Variants in TRIP12 observed in about 807,000 individuals in gnomAD.
TRIP12 encodes the protein E3 ubiquitin-protein ligase TRIP12.
A neutral mutation model predicts 244.2 loss-of-function variants in TRIP12; 25 were observed. The observed-to-expected ratio is 0.10, with a 90% CI of 0.07 to 0.14. TRIP12 has a LOEUF of 0.14. Among genes scored for constraint, TRIP12 ranks in the 10% least tolerant of loss-of-function variants. The probability of loss-of-function intolerance (pLI) is 1.00; values close to 1 mark genes in which losing one functional copy is unlikely to be tolerated. For missense variants in TRIP12, 1,677 were observed against 2,486.4 expected, an observed-to-expected ratio of 0.67 and a Z score of 6.92; for synonymous variants, 905 against 873.1, an observed-to-expected ratio of 1.04 and a Z score of -0.64.
chr2:229,841,776 T>G (rs1205813888), intron 4 of TRIP12, among the ~76,000 whole-genome samples: 1 of 152,226 alleles, frequency 6.6e-6, no homozygotes, highest in African/African-American at 2.4e-5. Flanking sequence ...AATTATACAA[T>G]TGGTCCTGGT....
intron 5 of TRIP12, among the ~76,000 whole-genome samples, chr2:229,838,521 G>C (rs189950327): frequency 6.6e-6 from 1 of 152,268 alleles, no homozygotes; most frequent in African/African-American, 2.4e-5. Context: ...GGGTAATTTC[G>C]CACGTGCTAA....
At chr2:229,901,313 T>C (rs968360267) in intron 1 of TRIP12, among the ~76,000 whole-genome samples, 1 of 151,936 alleles carries the variant, frequency 6.6e-6, no homozygotes, top group African/African-American at 2.4e-5. Flanking sequence ...TAAGGAAAAC[T>C]TTGGCCAGGC....
At chr2:229,841,278 G>A (rs371406104) in intron 4 of TRIP12, among the ~76,000 whole-genome samples, 20 of 152,196 alleles carry the variant, frequency 1.3e-4, no homozygotes, top group African/African-American at 4.8e-4. Flanking sequence ...TTTACTAAAC[G>A]TCATTAAGTT....
At chr2:229,873,937 A>T (rs2154348870) in intron 2 of TRIP12, among the ~76,000 whole-genome samples, 1 of 152,224 alleles carries the variant, frequency 6.6e-6, no homozygotes, top group South Asian at 2.1e-4. Flanking sequence ...ACGGGTCCAT[A>T]ACAAAGCTGA....
intron 4 of TRIP12, among the ~76,000 whole-genome samples, chr2:229,854,833 G>C (rs962109647): frequency 7.2e-5 from 11 of 152,136 alleles, no homozygotes; most frequent in African/African-American, 2.7e-4. Flanking sequence ...CTATCATTCT[G>C]TCCTCAAGGC....
intron 1 of TRIP12, among the ~76,000 whole-genome samples, chr2:229,898,732 C>G (rs759447975): frequency 3.0e-4 from 46 of 151,994 alleles, no homozygotes; most frequent in Non-Finnish European, 5.6e-4. Context: ...CCACTGTCCA[C>G]CAAGGCTGGA....
At chr2:229,784,206 T>A (rs990462234) in intron 34 of TRIP12, among the ~76,000 whole-genome samples, 2 of 148,174 alleles carry the variant, frequency 1.3e-5, no homozygotes, top group East Asian at 3.9e-4. Context: ...CAACACAGTA[T>A]AGAATAATAA....
intron 1 of TRIP12, among the ~76,000 whole-genome samples, chr2:229,899,242 T>C (rs1418374337): frequency 1.3e-5 from 2 of 152,082 alleles, no homozygotes; most frequent in Non-Finnish European, 2.9e-5. Flanking sequence ...AGCCACCAAA[T>C]TTATATACGC....
chr2:229,773,138 C>T (rs1234659433), intron 38 of TRIP12, among the ~76,000 whole-genome samples: 7 of 151,422 alleles, frequency 4.6e-5, no homozygotes, highest in African/African-American at 4.9e-5. Flanking sequence ...TGCAGGGGCA[C>T]GGTATCGGCT....
intron 5 of TRIP12, among the ~76,000 whole-genome samples, chr2:229,839,328 T>C (rs2055724412): frequency 6.6e-6 from 1 of 152,138 alleles, no homozygotes. Context: ...TCCATGATGT[T>C]TGCATGGCAA....
rs151125007 is a variant in TRIP12 at position 229,864,693 on chromosome 2, T to C, written c.99-4162A>G. On this transcript the variant is annotated intron_variant, in intron 2 of 41. Transcript: ENST00000675903. ...AAAACTGCTTATGAACCAACACTAC[T>C]TCCACGTTATATTGACATTATTTCT... is the stretch of plus-strand genomic sequence containing the variant. 5.0e-3 allele frequency among the ~76,000 whole-genome samples: 755 copies of C among 152,324 alleles called. 5 individuals are homozygous for C. The highest frequency in any genetic ancestry group is 0.017 in the African/African-American group (704 of 41,576).
chr2:229,810,846 C>T (rs375504882), intron 15 of TRIP12, 34 bp downstream of exon 15: 1 of 1,601,864 alleles, frequency 6.2e-7, no homozygotes. Flanking sequence ...ACCAACTTTT[C>T]CTGCTTAAAG....
rs2043575742 is a variant in TRIP12 at position 229,799,208 on chromosome 2, GTT to G, written c.3307+73_3307+74del. 4 of 1,557,226 alleles carry G rather than the reference GTT, an allele frequency of 2.6e-6. No individual in the cohort carries two copies. The South Asian group carries it at 4.5e-5, about 17-fold the overall frequency. ...AGGCATACTTCAAGAGCTACTGGCA[GTT>G]TTAATAAAGTACATTTCTGCACCTG... On this transcript the variant is annotated intron_variant, in intron 22 of 41. Transcript: ENST00000675903.
chr2:229,919,197 T>A (rs925649660), intron 1 of TRIP12, among the ~76,000 whole-genome samples: 2 of 152,162 alleles, frequency 1.3e-5, no homozygotes, highest in African/African-American at 4.8e-5. Context: ...GCGGATCACC[T>A]GAGAGGTCGG....
chr2:229,785,674 T>A, intron 34 of TRIP12, 83 bp downstream of exon 34: 2 of 1,289,858 alleles, frequency 1.6e-6, no homozygotes, highest in Non-Finnish European at 2.2e-6. Context: ...TCTTTCAGAA[T>A]TTCATAGTAC....
intron 34 of TRIP12, among the ~76,000 whole-genome samples, chr2:229,779,451 T>G (rs1434748134): frequency 6.6e-6 from 1 of 152,248 alleles, no homozygotes; most frequent in African/African-American, 2.4e-5. Context: ...ACTTAAATAC[T>G]TACTACATGA....
intron 8 of TRIP12, among the ~76,000 whole-genome samples, chr2:229,824,338 A>G (rs959783536): frequency 6.6e-6 from 1 of 152,252 alleles, no homozygotes; most frequent in African/African-American, 2.4e-5. Flanking sequence ...TCATTCACAC[A>G]TGACTGGTGG....
chr2:229,859,036 A>C lies in TRIP12; in HGVS notation c.763T>G (p.Ser255Ala). Residue 255 changes from serine (S) to alanine (A), a missense_variant, in exon 4 of 42, where the codon TCC (serine) becomes GCC (alanine). Around this residue, in one of 11 missense-constraint regions of TRIP12, gnomAD observed 387 missense variants for 392.6 expected, o/e 0.99. Transcript: ENST00000675903. ...CTGGCACCTGGTGGTACAGTGGAGGAGGCCGAGGCTACAGCAGAAGACGAG... is the reference window on the plus strand; with the variant it reads ...CTGGCACCTGGTGGTACAGTGGAGGCGGCCGAGGCTACAGCAGAAGACGAG... The part of the protein sequence containing the change: ...SSSSSAVASA[S>A]STVPPGARVK... 6.2e-7 allele frequency: 1 copy of C among 1,614,156 alleles called. No individual in the cohort carries two copies. Among genetic ancestry groups the C allele is most frequent in the East Asian group, 2.2e-5 (1 of 44,884 alleles).
rs1453264401 is a variant in TRIP12 at position 229,821,939 on chromosome 2, A to AG, written c.1451-3428dup. Among the ~76,000 whole-genome samples, 2 of 152,200 alleles carry AG rather than the reference A, an allele frequency of 1.3e-5. 1 individual carries two copies. Among genetic ancestry groups the AG allele is most frequent in the Non-Finnish European group, 2.9e-5 (2 of 68,030 alleles). On this transcript the variant is annotated intron_variant, in intron 8 of 41. Transcript: ENST00000675903. ...CGGATCACCTGAGGTCAGGAGTTTG[A>AG]GAACAGCCTGGCCAGCATGGTGAAA...
Sources: allele counts gnomAD v4.1 joint callset (sites outside exome capture counted in the v4.1 genomes callset), GRCh38; gene constraint gnomAD v4.1.1; regional missense constraint gnomAD v4.1.1; transcripts MANE v1.5; gene names NCBI Gene and HGNC (gene_info 2026-07-23, HGNC 2026-07-21).